Variants in XIRP2 observed in about 807,000 individuals in gnomAD.
The protein encoded by XIRP2 is xin actin-binding repeat-containing protein 2.
Under a neutral mutation model 277.0 loss-of-function variants are expected in XIRP2, and 236 were observed. The observed-to-expected ratio is 0.85, with a 90% CI of 0.77 to 0.95. The LOEUF (loss-of-function observed/expected upper bound fraction) is 0.95. Among genes scored for constraint, XIRP2 ranks in the 40% least tolerant of loss-of-function variants. XIRP2 has a pLI of 0.00. For synonymous variants in XIRP2, 1,490 were observed against 1,416.5 expected (o/e 1.05, Z -1.17); for missense variants, 4,640 against 4,157.5 (o/e 1.12, Z -3.19).
chr2:166,945,304 T>C (rs189159124), intron 2 of XIRP2, among the ~76,000 whole-genome samples: 42 of 152,222 alleles, frequency 2.8e-4, no homozygotes, highest in East Asian at 3.9e-4. Flanking sequence ...TTATAGTGAA[T>C]GTTAAAGCAT....
intron 2 of XIRP2, among the ~76,000 whole-genome samples, chr2:167,037,873 A>G (rs1317611499): frequency 6.6e-6 from 1 of 152,056 alleles, no homozygotes; most frequent in Non-Finnish European, 1.5e-5. Context: ...AGGCATTTTA[A>G]TATTGAAATG....
rs755697547 is a variant in XIRP2, at chr2:167,248,942, CT to C, written c.7551del (p.Ile2519Ter). 3.1e-6 allele frequency: 5 copies of C among 1,613,732 alleles called. No homozygotes were observed. The East Asian group carries it at 1.1e-4, about 36-fold the overall frequency. On this transcript the variant is annotated frameshift_variant, in exon 9 of 11. Coordinates refer to ENST00000409195, the MANE Select transcript of XIRP2 (RefSeq NM_152381.6). LOFTEE classifies it high-confidence loss of function. ...GCACCCAGGAAAAAACAGATTGCGC[CT>C]CTTATAAAATCTCATTCATTTCCAG... ...TSAPRKKQIA[P>X]LIKSHSFPES... is the part of the protein sequence containing the mutation.
chr2:167,091,493 G>T (rs955267053), intron 2 of XIRP2, among the ~76,000 whole-genome samples: 1 of 152,028 alleles, frequency 6.6e-6, no homozygotes, highest in African/African-American at 2.4e-5. Context: ...CTTAATTATA[G>T]GGACTGCCTT....
At chr2:167,185,243 T>G (rs995066497) in intron 3 of XIRP2, among the ~76,000 whole-genome samples, 7 of 152,144 alleles carry the variant, frequency 4.6e-5, no homozygotes, top group Non-Finnish European at 1.0e-4. Context: ...CCTGTAGATT[T>G]AACATTTATT....
chr2:167,241,188 T>C (rs1192643625), intron 7 of XIRP2, among the ~76,000 whole-genome samples: 1 of 152,072 alleles, frequency 6.6e-6, no homozygotes, highest in East Asian at 1.9e-4. Flanking sequence ...CTGGACATAG[T>C]TTGTCTTGTC....
chr2:167,176,971 G>T (rs1231874102), intron 3 of XIRP2, among the ~76,000 whole-genome samples: 1 of 152,126 alleles, frequency 6.6e-6, no homozygotes, highest in African/African-American at 2.4e-5. Flanking sequence ...CAGATTAAGG[G>T]ACCAAGCTGA....
intron 2 of XIRP2, among the ~76,000 whole-genome samples, chr2:167,133,114 G>A (rs377754775): frequency 6.6e-6 from 1 of 152,096 alleles, no homozygotes; most frequent in African/African-American, 2.4e-5. Flanking sequence ...AGTAGCCAAG[G>A]GAGGGCTTGA....
rs899826819 is a variant in XIRP2 at position 166,969,120 on chromosome 2, A to T, written c.408+65230A>T. Among the ~76,000 whole-genome samples the T allele has an allele frequency of 4.6e-5, 7 of 152,092 alleles. No individual in the cohort carries two copies. The South Asian group carries it at 1.4e-3, about 31-fold the overall frequency. On this transcript the variant is annotated intron_variant, in intron 2 of 10. Coordinates refer to ENST00000409195, the MANE Select transcript of XIRP2 (RefSeq NM_152381.6). ...AATATTGCTTTCCAGAAGTTTCTAA[A>T]TCTACGTGTTTCTTCATTCACATCC...
At chr2:167,124,541 A>G (rs760569254) in intron 2 of XIRP2, 9 of 152,208 alleles carry the variant, frequency 5.9e-5, no homozygotes, top group Non-Finnish European at 8.8e-5. Flanking sequence ...ATGTTCAAAG[A>G]AAGCAGTATG....
At position 167,167,057 on chromosome 2, in the gene XIRP2, C is replaced by A. The variant is rs574054572; in HGVS notation, c.562+30995C>A. Among the ~76,000 whole-genome samples, 18 of 152,244 alleles carry A rather than the reference C, an allele frequency of 1.2e-4. No individual in the cohort carries two copies. In the South Asian group the frequency reaches 3.1e-3, roughly 26 times the overall value. On this transcript the variant is annotated intron_variant, in intron 3 of 10. Coordinates refer to ENST00000409195, the MANE Select transcript of XIRP2 (RefSeq NM_152381.6). Reference sequence around the variant, plus strand: ...ACACATTAAATATTGTTGTGTTGAACAACTGCATCCTTTGTCAATATGCAA... The same window carrying A: ...ACACATTAAATATTGTTGTGTTGAAAAACTGCATCCTTTGTCAATATGCAA...
At position 167,243,907 on chromosome 2, in the gene XIRP2, T is replaced by C. The variant is rs1286955015; in HGVS notation, c.2515T>C (p.Ser839Pro). The change falls in exon 9 of 11, where the codon TCC becomes CCC. Residue 839 changes from serine (S) to proline (P), a missense_variant. Ser to Pro is a moderately conservative substitution (Grantham distance 74). Coordinates refer to ENST00000409195, the MANE Select transcript of XIRP2 (RefSeq NM_152381.6). ...GGAAAAAATAATAGGTACAGATGTC[T>C]CCAGAAAGTGTTGGATGTTTGAAAC... is the stretch of plus-strand genomic sequence containing the variant. ...EKEKIIGTDV[S>P]RKCWMFETQP... 1.2e-6 allele frequency: 2 copies of C among 1,613,820 alleles called. No individual in the cohort carries two copies. The highest frequency in any genetic ancestry group is 2.7e-5 in the African/African-American group (2 of 74,874).
At chr2:167,064,347 C>A (rs1689247425) in intron 2 of XIRP2, among the ~76,000 whole-genome samples, 1 of 151,760 alleles carries the variant, frequency 6.6e-6, no homozygotes, top group African/African-American at 2.4e-5. Context: ...AAATAGTAAT[C>A]CATATTATAT....
chr2:167,079,303 T>C (rs1024522246), intron 2 of XIRP2, among the ~76,000 whole-genome samples: 1 of 152,140 alleles, frequency 6.6e-6, no homozygotes, highest in Non-Finnish European at 1.5e-5. Flanking sequence ...TTCTTTTACA[T>C]TGTGTGTTTA....
chr2:166,943,403 C>G (rs1685773170), intron 2 of XIRP2, among the ~76,000 whole-genome samples: 1 of 152,184 alleles, frequency 6.6e-6, no homozygotes, highest in African/African-American at 2.4e-5. Context: ...TTGTTCTGAG[C>G]AGAGGATTCT....
chr2:166,888,589 C>A (rs1290364136), intron 1 of XIRP2, 32 bp downstream of exon 1: 1 of 152,120 alleles, frequency 6.6e-6, no homozygotes, highest in African/African-American at 2.4e-5. Context: ...CCACTTCTTT[C>A]ATAATTTTTT....
In XIRP2 at chr2:167,160,340, A is replaced by C. The variant is rs569414596; in HGVS notation, c.562+24278A>C. On this transcript the variant is annotated intron_variant, in intron 3 of 10. Transcript: ENST00000409195. ...TTTTATTCTATGGATGTGCATGCAC[A>C]CAAGCATATAGAAATATACATTGTT... Among the ~76,000 whole-genome samples, 4 of 152,334 alleles carry C rather than the reference A, an allele frequency of 2.6e-5. No homozygotes were observed. The East Asian group carries it at 5.8e-4, about 22-fold the overall frequency.
chr2:167,234,752 A>T (rs959260530), intron 5 of XIRP2, among the ~76,000 whole-genome samples: 1 of 151,822 alleles, frequency 6.6e-6, no homozygotes, highest in African/African-American at 2.4e-5. Flanking sequence ...TAGGACTTGG[A>T]ATTGCCTTAA....
intron 3 of XIRP2, 105 bp from the exon 4 acceptor site, chr2:167,210,630 A>G (rs1693996418): frequency 7.0e-7 from 1 of 1,421,208 alleles, no homozygotes; most frequent in South Asian, 1.3e-5. Flanking sequence ...GCTACAGTCC[A>G]TTTTACGAGA....
chr2:166,951,265 A>G (rs1283836436), intron 2 of XIRP2, among the ~76,000 whole-genome samples: 2 of 152,048 alleles, frequency 1.3e-5, no homozygotes, highest in African/African-American at 4.8e-5. Flanking sequence ...AAAGAAGTTG[A>G]ATTGGCTCAT....
Sources: allele counts gnomAD v4.1 joint callset (sites outside exome capture counted in the v4.1 genomes callset), GRCh38; gene constraint gnomAD v4.1.1; transcripts MANE v1.5; gene names NCBI Gene and HGNC (gene_info 2026-07-23, HGNC 2026-07-21).